The following IRAG1 variants were observed in gnomAD, a reference collection of about 807,000 sequenced individuals.
IRAG1 encodes IP3R-associated cGMP kinase substrate.
Under a neutral mutation model 106.2 loss-of-function variants are expected in IRAG1, and 62 were observed. The observed-to-expected ratio is 0.58, with a 90% CI of 0.48 to 0.72. The LOEUF (loss-of-function observed/expected upper bound fraction) is 0.72, where lower values mean the gene tolerates loss of function less well. IRAG1 is among the 30% of genes least tolerant of loss of function. The probability of loss-of-function intolerance (pLI) is 0.00; values close to 1 mark genes in which losing one functional copy is unlikely to be tolerated. For missense variants in IRAG1, 1,064 were observed against 1,140.7 expected (o/e 0.93, Z 0.97); for synonymous variants, 462 against 443.9 (o/e 1.04, Z -0.51).
intron 1 of IRAG1, among the ~76,000 whole-genome samples, chr11:10,690,113 G>A (rs553864856): frequency 5.3e-5 from 8 of 152,326 alleles, no homozygotes; most frequent in Non-Finnish European, 1.0e-4. Flanking sequence ...CAGTCTGGCC[G>A]GGTGCGATGG....
At chr11:10,594,001 C>T (rs1365286671) in intron 16 of IRAG1, 145 bp downstream of exon 16, 1 of 754,264 alleles carries the variant, frequency 1.3e-6, no homozygotes, top group Non-Finnish European at 2.2e-6. Flanking sequence ...AGAGGCTAAA[C>T]TTGAGAGTGT....
intron 3 of IRAG1, among the ~76,000 whole-genome samples, chr11:10,633,075 C>CTT (rs34222717): frequency 8.8e-5 from 11 of 124,836 alleles, no homozygotes; most frequent in African/African-American, 1.2e-4. Flanking sequence ...TTCTTTCTTT[C>CTT]TTTTTTTTTT....
At chr11:10,595,950 T>C (rs531679694) in intron 15 of IRAG1, among the ~76,000 whole-genome samples, 1 of 152,348 alleles carries the variant, frequency 6.6e-6, no homozygotes, top group East Asian at 1.9e-4. Flanking sequence ...ATGCAGTATT[T>C]GGTTTTCTCT....
At chr11:10,599,086 C>G (rs181666600) in intron 15 of IRAG1, among the ~76,000 whole-genome samples, 54 of 152,302 alleles carry the variant, frequency 3.5e-4, no homozygotes, top group Admixed American at 1.6e-3. Context: ...AAAACACGTA[C>G]AGCTATCGTT....
intron 1 of IRAG1, among the ~76,000 whole-genome samples, chr11:10,684,692 G>T (rs1861535102): frequency 6.6e-6 from 1 of 151,512 alleles, no homozygotes; most frequent in Non-Finnish European, 1.5e-5. Flanking sequence ...TCTGAAAGCT[G>T]CCCTGGGTCC....
chr11:10,627,859 C>T (rs1856374491), intron 7 of IRAG1, 99 bp from the exon 8 acceptor site: 41 of 1,580,352 alleles, frequency 2.6e-5, no homozygotes, highest in Non-Finnish European at 3.3e-5. Flanking sequence ...GGTGTTCATG[C>T]CCTCCACCCA....
At chr11:10,620,287 A>G (rs1855736426) in intron 10 of IRAG1, among the ~76,000 whole-genome samples, 1 of 152,220 alleles carries the variant, frequency 6.6e-6, no homozygotes, top group African/African-American at 2.4e-5. Flanking sequence ...ATGATTATGT[A>G]AAATCTTTAC....
intron 4 of IRAG1, among the ~76,000 whole-genome samples, chr11:10,630,735 TC>T (rs1328166449): frequency 1.3e-5 from 2 of 152,212 alleles, no homozygotes; most frequent in African/African-American, 4.8e-5. Flanking sequence ...CCCAAGTCCC[TC>T]CACTTCAGCT....
In IRAG1 at chr11:10,693,562, C is replaced by A; in HGVS notation, c.41G>T (p.Gly14Val). 6.5e-7 allele frequency: 1 copy of A among 1,535,588 alleles called. No homozygotes were observed. The highest frequency in any genetic ancestry group is 8.7e-7 in the Non-Finnish European group (1 of 1,146,886). Residue 14 changes from glycine (G) to valine (V), a missense_variant, in exon 1 of 21, where the codon GGA becomes GTA. Coordinates refer to ENST00000423302, the MANE Select transcript of IRAG1 (RefSeq NM_130385.4). ...TAAAACTGAGTTATTCTCCTTTCCT[C>A]CTCTGGCCAGCCTCTCTTCACTCTG... ...APQSEERLAR[G>V]GKENNSVLAC...
intron 1 of IRAG1, among the ~76,000 whole-genome samples, chr11:10,656,430 G>A (rs990591972): frequency 1.3e-5 from 2 of 152,192 alleles, no homozygotes; most frequent in African/African-American, 4.8e-5. Flanking sequence ...TGTATCTGGT[G>A]CAAATCTTCC....
intron 2 of IRAG1, among the ~76,000 whole-genome samples, chr11:10,643,156 G>A (rs1016669499): frequency 4.8e-5 from 6 of 124,350 alleles, no homozygotes; most frequent in Non-Finnish European, 6.4e-5. Context: ...CAGCCTGGGC[G>A]ACAGAGTGAG....
At chr11:10,666,743 G>A (rs1359045207) in intron 1 of IRAG1, among the ~76,000 whole-genome samples, 1 of 152,342 alleles carries the variant, frequency 6.6e-6, no homozygotes, top group Non-Finnish European at 1.5e-5. Flanking sequence ...GAGCTCTGAG[G>A]GCAGGTTAAG....
At chr11:10,686,854 C>T (rs1861694972) in intron 1 of IRAG1, among the ~76,000 whole-genome samples, 1 of 152,214 alleles carries the variant, frequency 6.6e-6, no homozygotes, top group Non-Finnish European at 1.5e-5. Flanking sequence ...CTGGCACATA[C>T]AAACTTGCTC....
chr11:10,614,462 G>A (rs560580304), intron 10 of IRAG1, among the ~76,000 whole-genome samples: 39 of 152,270 alleles, frequency 2.6e-4, no homozygotes, highest in Non-Finnish European at 5.3e-4. Context: ...ATGTGGAACC[G>A]AAAAAGAGCC....
At chr11:10,579,692 G>A (rs1244410894) in intron 20 of IRAG1, among the ~76,000 whole-genome samples, 1 of 152,072 alleles carries the variant, frequency 6.6e-6, no homozygotes, top group East Asian at 1.9e-4. Context: ...AGGCCAGGTG[G>A]GGCTGAGACC....
At chr11:10,683,189 G>A (rs1210880146) in intron 1 of IRAG1, among the ~76,000 whole-genome samples, 1 of 152,078 alleles carries the variant, frequency 6.6e-6, no homozygotes, top group African/African-American at 2.4e-5. Context: ...TGTTGTATGG[G>A]GAATTCTACA....
In IRAG1 at chr11:10,679,538, T is replaced by G. The variant is rs1010090178; in HGVS notation, c.67+13998A>C. ...GAGCTAATGGGTGGCCAAACAGGGA[T>G]TGAAGCCGTCAGAGCCCATGGCTTC... is the stretch of plus-strand genomic sequence containing the variant. On this transcript the variant is annotated intron_variant, in intron 1 of 20. Coordinates refer to ENST00000423302, the MANE Select transcript of IRAG1 (RefSeq NM_130385.4). Among the ~76,000 whole-genome samples the G allele has an allele frequency of 5.3e-5, 8 of 152,224 alleles. 1 individual carries two copies. The East Asian group carries it at 1.2e-3, about 22-fold the overall frequency.
chr11:10,627,979 T>C lies in IRAG1; in HGVS notation c.699A>G (p.Pro233=). The change falls in exon 7 of 21, where the codon CCA becomes CCG. Residue 233 remains proline, a synonymous_variant. Transcript: ENST00000423302. ...SGPPSPLPGA[P]PQKGDEADVS... ...AGGTGGGGGGTCCTGTCACCTGTGG[T>C]GGTGCTCCAGGCAGAGGGGATGGCG... The C allele has an allele frequency of 6.2e-7, 1 of 1,607,566 alleles. No homozygotes were observed. The highest frequency in any genetic ancestry group is 2.2e-5 in the East Asian group (1 of 44,758).
At chr11:10,667,362 T>G (rs1434974621) in intron 1 of IRAG1, among the ~76,000 whole-genome samples, 1 of 152,100 alleles carries the variant, frequency 6.6e-6, no homozygotes, top group Non-Finnish European at 1.5e-5. Flanking sequence ...GCTGGCAGGC[T>G]TTGTGGTTGG....
Sources: allele counts gnomAD v4.1 joint callset (sites outside exome capture counted in the v4.1 genomes callset), GRCh38; gene constraint gnomAD v4.1.1; transcripts MANE v1.5; gene names NCBI Gene and HGNC (gene_info 2026-07-23, HGNC 2026-07-21).